The following MICOS10 variants were observed in gnomAD, a reference collection of about 807,000 sequenced individuals.
The protein encoded by MICOS10 is mitochondrial contact site and cristae organizing system subunit 10.
A neutral mutation model predicts 13.4 loss-of-function variants in MICOS10; 5 were observed. The ratio of observed to expected loss-of-function variants is 0.37; its 90% confidence interval spans 0.20 to 0.78. The LOEUF is 0.78. Among genes scored for constraint, MICOS10 ranks in the 30% least tolerant of loss-of-function variants. MICOS10 has a pLI of 0.47. For missense variants in MICOS10, 101 were observed against 94.6 expected (o/e 1.07, Z -0.28); for synonymous variants, 35 against 33.6 (o/e 1.04, Z -0.15).
chr1:19,604,210 A>C (rs1365113643), intron 1 of MICOS10, among the ~76,000 whole-genome samples: 3 of 152,156 alleles, frequency 2.0e-5, no homozygotes, highest in African/African-American at 7.2e-5. Context: ...TACTTACTAA[A>C]TATTATTAAC....
intron 1 of MICOS10, among the ~76,000 whole-genome samples, chr1:19,614,052 A>G (rs1280422978): frequency 6.6e-6 from 1 of 152,166 alleles, no homozygotes; most frequent in Non-Finnish European, 1.5e-5. Context: ...AGATGTTTTT[A>G]TAAATCAAGT....
At chr1:19,605,403 C>T (rs1484660372) in intron 1 of MICOS10, among the ~76,000 whole-genome samples, 1 of 152,104 alleles carries the variant, frequency 6.6e-6, no homozygotes, top group Non-Finnish European at 1.5e-5. Context: ...GCAGCTGCTC[C>T]TATTCCCAAA....
chr1:19,597,128 C>A lies in MICOS10; in HGVS notation c.64+19C>A, dbSNP rs766760485. ...AAGATAGGTAAGGGGCTTTTCGCCC[C>A]AGCAGGCCCGGCCGGTGCAGAGCTG... On this transcript the variant is annotated intron_variant, in intron 1 of 3. Transcript: ENST00000322753. The A allele has an allele frequency of 3.8e-6, 6 of 1,598,464 alleles. No individual in the cohort carries two copies. In the Admixed American group the frequency reaches 8.6e-5, roughly 23 times the overall value.
rs770063026 is a variant in MICOS10 at position 19,626,412 on chromosome 1, G to C, written c.*11G>C. 3 of 1,613,928 alleles carry C rather than the reference G, an allele frequency of 1.9e-6. No homozygotes were observed. In the East Asian group the frequency reaches 6.7e-5, roughly 36 times the overall value. On this transcript the variant is annotated 3_prime_UTR_variant, in exon 4 of 4. Transcript: ENST00000322753. ...GAGCAGGAGCAGTGACTTCACCTGA[G>C]AACATCCCAGCGGGAGGACAAGAGA...
chr1:19,627,924 C>T lies in MICOS10; in HGVS notation c.*1523C>T, dbSNP rs1038963224. ...TGCTAGGCTCTGCCCTGCAAACTGT[C>T]CAGGCTCCTCTGCCCTCTGGGCTTG... On this transcript the variant is annotated 3_prime_UTR_variant, in exon 4 of 4. Coordinates refer to ENST00000322753, the MANE Select transcript of MICOS10 (RefSeq NM_001032363.4). 1 of 152,370 alleles carries T rather than the reference C, an allele frequency of 6.6e-6. No individual in the cohort carries two copies. The highest frequency in any genetic ancestry group is 2.4e-5 in the African/African-American group (1 of 41,462). 9.4% of individuals were successfully genotyped at this position (152,370 alleles called of 1,614,324 possible).
At chr1:19,597,201 G>A in intron 1 of MICOS10, 92 bp downstream of exon 1, 1 of 1,379,836 alleles carries the variant, frequency 7.2e-7, no homozygotes. Context: ...AAGCCCCACG[G>A]GAGGTCAGGC....
chr1:19,619,428 G>A (rs970137307), intron 1 of MICOS10, among the ~76,000 whole-genome samples: 10 of 152,180 alleles, frequency 6.6e-5, no homozygotes, highest in Non-Finnish European at 1.0e-4. Flanking sequence ...ACTAGAAATT[G>A]TCCATAACTG....
intron 1 of MICOS10, among the ~76,000 whole-genome samples, chr1:19,619,375 G>T (rs765677305): frequency 5.3e-5 from 8 of 152,186 alleles, no homozygotes; most frequent in Non-Finnish European, 7.4e-5. Flanking sequence ...GGCATGGTGA[G>T]AACAAAGATT....
At position 19,597,226 on chromosome 1, in the gene MICOS10, C is replaced by T. The variant is rs546097138; in HGVS notation, c.64+117C>T. The T allele has an allele frequency of 1.4e-5, 16 of 1,118,768 alleles. No homozygotes were observed. In the South Asian group the frequency reaches 2.3e-4, roughly 16 times the overall value. The allele number at this position is 1,118,768 out of a possible 1,614,324, so 69.3% of individuals were successfully genotyped here. A position where few individuals can be genotyped will look rare whatever the true frequency, so the allele number is the denominator to read the frequency against. On this transcript the variant is annotated intron_variant, in intron 1 of 3. Transcript: ENST00000322753. ...GGAGGTCAGGCCTCTCGGCCTTTTC[C>T]GGCCCCTCCGGCCAGGGCGAGCCGC...
chr1:19,604,379 C>A (rs183073775), intron 1 of MICOS10, among the ~76,000 whole-genome samples: 2 of 151,978 alleles, frequency 1.3e-5, no homozygotes, highest in South Asian at 4.2e-4. Flanking sequence ...TGTGGTGGTA[C>A]GCACCTGTAG....
At chr1:19,605,995 C>T (rs1417616637) in intron 1 of MICOS10, among the ~76,000 whole-genome samples, 1 of 152,146 alleles carries the variant, frequency 6.6e-6, no homozygotes, top group Admixed American at 6.5e-5. Flanking sequence ...GGTTGAATTT[C>T]TGATTTCAGA....
chr1:19,605,417 T>A (rs113515754), intron 1 of MICOS10, among the ~76,000 whole-genome samples: 169 of 152,260 alleles, frequency 1.1e-3, no homozygotes, highest in Non-Finnish European at 2.0e-3. Context: ...TCCCAAACTC[T>A]CACCCCAACC....
chr1:19,611,256 T>C (rs2094859998), intron 1 of MICOS10, among the ~76,000 whole-genome samples: 1 of 152,066 alleles, frequency 6.6e-6, no homozygotes, highest in African/African-American at 2.4e-5. Flanking sequence ...CTGGTCAAAA[T>C]TTTTAATTTC....
chr1:19,601,072 A>G (rs765161675), intron 1 of MICOS10: 2 of 1,202,334 alleles, frequency 1.7e-6, no homozygotes, highest in Non-Finnish European at 2.2e-6. Flanking sequence ...TGACTATTAT[A>G]ATCACTCGTG....
At chr1:19,604,731 G>A (rs1178709454) in intron 1 of MICOS10, among the ~76,000 whole-genome samples, 1 of 152,178 alleles carries the variant, frequency 6.6e-6, no homozygotes, top group Non-Finnish European at 1.5e-5. Flanking sequence ...ATTGTGGTAA[G>A]CCTTGGCAGG....
At chr1:19,601,321 A>G (rs1016651427) in intron 1 of MICOS10, 5 of 265,082 alleles carry the variant, frequency 1.9e-5, no homozygotes, top group Admixed American at 4.4e-5. Flanking sequence ...GCTCATGCCT[A>G]TAATCCCAGC....
rs552527969 is a variant in MICOS10 at position 19,628,977 on chromosome 1, C to G, written c.*2576C>G. On this transcript the variant is annotated 3_prime_UTR_variant, in exon 4 of 4. Coordinates refer to ENST00000322753, the MANE Select transcript of MICOS10 (RefSeq NM_001032363.4). ...GGGTCAGCTGTCTGAGGGAATAGTT[C>G]TGGATAGAGGCCACAGGAAGCACTG... 6.6e-6 allele frequency: 1 copy of G among 152,404 alleles called. No individual in the cohort carries two copies. The highest frequency in any genetic ancestry group is 2.1e-4 in the South Asian group (1 of 4,834). 9.4% of individuals were successfully genotyped at this position (152,404 alleles called of 1,614,324 possible). A position where few individuals can be genotyped will look rare whatever the true frequency, so the allele number is the denominator to read the frequency against.
chr1:19,597,976 T>C (rs1435637342), intron 1 of MICOS10: 2 of 152,160 alleles, frequency 1.3e-5, no homozygotes, highest in Non-Finnish European at 2.9e-5. Context: ...AAATGTGATA[T>C]TTTTGTGTGG....
At chr1:19,601,894 A>G (rs2094816642) in intron 1 of MICOS10, among the ~76,000 whole-genome samples, 1 of 151,908 alleles carries the variant, frequency 6.6e-6, no homozygotes, top group Admixed American at 6.6e-5. Context: ...ACATTTTTAC[A>G]CTTCTTTTTG....
Sources: gnomAD v4.1 joint callset for allele counts (sites outside exome capture counted in the v4.1 genomes callset) on GRCh38, gnomAD v4.1.1 for gene constraint, MANE v1.5 for transcripts, NCBI Gene and HGNC (gene_info 2026-07-23, HGNC 2026-07-21) for gene names.